Variants in KYAT1 observed in about 807,000 individuals in gnomAD.
KYAT1 encodes the protein kynurenine aminotransferase 1.
In KYAT1, 47 loss-of-function variants were observed where a neutral mutation model predicts 52.4. The ratio of observed to expected loss-of-function variants is 0.90; its 90% CI spans 0.71 to 1.14. The LOEUF is 1.14. Among genes scored for constraint, KYAT1 ranks in the 50% most tolerant of loss-of-function variants. The probability of loss-of-function intolerance (pLI) is 0.00; values close to 1 mark genes in which losing one functional copy is unlikely to be tolerated. For synonymous variants in KYAT1, 212 were observed against 209.6 expected, an observed-to-expected ratio of 1.01 and a Z score of -0.10; for missense variants, 480 against 557.9, an observed-to-expected ratio of 0.86 and a Z score of 1.41.
At chr9:128,875,180 CAG>C (rs927340099) in intron 1 of KYAT1, among the ~76,000 whole-genome samples, 1 of 151,558 alleles carries the variant, frequency 6.6e-6, no homozygotes, top group African/African-American at 2.4e-5. Context: ...TGAACAGCTG[CAG>C]AGTTGCCATC....
chr9:128,837,763 G>A lies in KYAT1; in HGVS notation c.489C>T (p.Asp163=). The A allele has an allele frequency of 6.2e-7, 1 of 1,613,916 alleles. No individual in the cohort carries two copies. Among genetic ancestry groups the A allele is most frequent in the African/African-American group, 1.3e-5 (1 of 75,002 alleles). ...TGAATTTGCCGGCCAGCTCCATGGG[G>A]TCCAGCTGCCAGTTGCTGCTGGAAC... is the stretch of plus-strand genomic sequence containing the variant. The part of the protein sequence containing the change: ...ELGSSSNWQL[D]PMELAGKFTS... The change falls in exon 6 of 13, where the codon GAC becomes GAT. Residue 163 remains aspartate, a synonymous_variant. Coordinates refer to ENST00000302586, the MANE Select transcript of KYAT1 (RefSeq NM_004059.5).
At position 128,833,655 on chromosome 9, in the gene KYAT1, C is replaced by G. The variant is rs1830490072; in HGVS notation, c.1210-12G>C. Reference sequence around the variant, plus strand: ...AGCGTGGCTTCATCCTGCGCCAGCACAGATTAGTCCTACACTCTCCCCATG... The same window carrying G: ...AGCGTGGCTTCATCCTGCGCCAGCAGAGATTAGTCCTACACTCTCCCCATG... On this transcript the variant is annotated splice_polypyrimidine_tract_variant and intron_variant, in intron 12 of 12. Transcript: ENST00000302586. The G allele has an allele frequency of 6.2e-7, 1 of 1,614,130 alleles. No individual in the cohort carries two copies. The highest frequency in any genetic ancestry group is 1.3e-5 in the African/African-American group (1 of 74,952).
intron 3 of KYAT1, among the ~76,000 whole-genome samples, chr9:128,840,123 C>T (rs906393571): frequency 3.3e-5 from 5 of 151,936 alleles, no homozygotes; most frequent in Non-Finnish European, 7.4e-5. Flanking sequence ...AAAAATATTG[C>T]AACATACAAG....
intron 1 of KYAT1, among the ~76,000 whole-genome samples, chr9:128,876,117 T>A (rs1004233939): frequency 1.3e-5 from 2 of 152,068 alleles, no homozygotes; most frequent in Non-Finnish European, 2.9e-5. Context: ...ACTCTTTTTT[T>A]ATTTTAGAGA....
intron 2 of KYAT1, 125 bp downstream of exon 2, chr9:128,845,228 T>C (rs1407723894): frequency 1.7e-5 from 12 of 716,122 alleles, no homozygotes; most frequent in Non-Finnish European, 2.9e-5. Flanking sequence ...TCCTGAGCTA[T>C]GGCTGGAATC....
rs765246267 is a variant in KYAT1, at chr9:128,836,035, C to T, written c.727G>A (p.Gly243Ser). 89 of 1,613,774 alleles carry T rather than the reference C, an allele frequency of 5.5e-5. No homozygotes were observed. The highest frequency in any genetic ancestry group is 2.5e-4 in the Admixed American group (15 of 59,988). ...PGMWERTLTI[G>S]SAGKTFSATG... Reference sequence around the variant, plus strand: ...GCGCTGAAGGTCTTGCCGGCGCTGCCGATGGTCAGGGTCCGTTCCCACATG... The same window carrying T: ...GCGCTGAAGGTCTTGCCGGCGCTGCTGATGGTCAGGGTCCGTTCCCACATG... Residue 243 changes from glycine to serine, a missense_variant, in exon 8 of 13, where the codon GGC (glycine) becomes AGC (serine). Gly to Ser is a moderately conservative substitution (Grantham distance 56). Coordinates refer to ENST00000302586, the MANE Select transcript of KYAT1 (RefSeq NM_004059.5).
chr9:128,850,428 G>C (rs1230592502), intron 1 of KYAT1, among the ~76,000 whole-genome samples: 1 of 152,124 alleles, frequency 6.6e-6, no homozygotes, highest in Non-Finnish European at 1.5e-5. Flanking sequence ...AGGGTTTAAG[G>C]GATCTAGGGC....
chr9:128,859,963 G>A (rs1835228811), intron 1 of KYAT1: 2 of 152,176 alleles, frequency 1.3e-5, no homozygotes, highest in African/African-American at 2.4e-5. Context: ...AATGGAGGCT[G>A]AGAAGTCCCC....
Position 128,836,759 on chromosome 9 carries a change from C to G in KYAT1, c.688+43G>C, listed in dbSNP as rs367794158. ...ACTCTCAGGTGGGGTCAAGGCCCTC[C>G]CACCAATGTGCAGGGGAGGGGCCCC... is the stretch of plus-strand genomic sequence containing the variant. On this transcript the variant is annotated intron_variant, in intron 7 of 12. Coordinates refer to ENST00000302586, the MANE Select transcript of KYAT1 (RefSeq NM_004059.5). 2.2e-5 allele frequency: 36 copies of G among 1,602,344 alleles called. No individual in the cohort carries two copies. The African/African-American group carries it at 4.7e-4, about 21-fold the overall frequency.
rs201112173 is a variant in KYAT1 at position 128,845,765 on chromosome 9, A to G, written c.-6-354T>C. 2.0e-5 allele frequency among the ~76,000 whole-genome samples: 3 copies of G among 152,218 alleles called. No individual in the cohort carries two copies. In the East Asian group the frequency reaches 5.8e-4, roughly 29 times the overall value. ...CTCAGGAAGGGCTGAGGGTTAAAGA[A>G]GAGGAGCAGGAGGTGGGTGGAGCGG... On this transcript the variant is annotated intron_variant, in intron 1 of 12. Coordinates refer to ENST00000302586, the MANE Select transcript of KYAT1 (RefSeq NM_004059.5).
intron 1 of KYAT1, among the ~76,000 whole-genome samples, chr9:128,876,707 C>T (rs1466370249): frequency 8.0e-5 from 12 of 150,112 alleles, no homozygotes; most frequent in Non-Finnish European, 1.0e-4. Flanking sequence ...GCATGAGCCA[C>T]GGCACCCGGC....
At chr9:128,873,516 T>C (rs1184351951) in intron 1 of KYAT1, among the ~76,000 whole-genome samples, 1 of 152,086 alleles carries the variant, frequency 6.6e-6, no homozygotes, top group Non-Finnish European at 1.5e-5. Context: ...ACTCCTGTAA[T>C]CCCAGCACTT....
chr9:128,840,840 ACT>A (rs1188490500), intron 3 of KYAT1, among the ~76,000 whole-genome samples: 1 of 152,158 alleles, frequency 6.6e-6, no homozygotes, highest in Non-Finnish European at 1.5e-5. Flanking sequence ...ATAGGCACAC[ACT>A]GTTTCTTAAC....
intron 1 of KYAT1, among the ~76,000 whole-genome samples, chr9:128,858,953 C>A (rs1306944153): frequency 6.3e-5 from 9 of 141,824 alleles, no homozygotes; most frequent in East Asian, 6.3e-4. Context: ...TGAGATTGTG[C>A]GTTGCACTCC....
intron 1 of KYAT1, among the ~76,000 whole-genome samples, chr9:128,864,727 G>T (rs1211995025): frequency 3.3e-5 from 5 of 151,970 alleles, no homozygotes; most frequent in African/African-American, 1.2e-4. Context: ...TTGTGCCTCA[G>T]CCTCCCGAGT....
At chr9:128,843,012 C>T (rs1832469394) in intron 2 of KYAT1, among the ~76,000 whole-genome samples, 1 of 152,088 alleles carries the variant, frequency 6.6e-6, no homozygotes, top group African/African-American at 2.4e-5. Flanking sequence ...ACTAAAAATA[C>T]AAAAGTTAGT....
intron 1 of KYAT1, among the ~76,000 whole-genome samples, chr9:128,848,766 G>A (rs535729431): frequency 6.1e-5 from 9 of 146,544 alleles, no homozygotes; most frequent in Admixed American, 2.8e-4. Context: ...GCAGTGAGCC[G>A]AGATCACGCC....
intron 1 of KYAT1, among the ~76,000 whole-genome samples, chr9:128,872,095 G>A (rs143552241): frequency 2.7e-5 from 4 of 146,240 alleles, no homozygotes; most frequent in African/African-American, 5.1e-5. Flanking sequence ...GCCACTGCAC[G>A]GCAGCCTGGG....
In KYAT1 at chr9:128,842,671, G is replaced by A. The variant is rs1832403692; in HGVS notation, c.184C>T (p.Gln62Ter). 2.5e-6 allele frequency: 4 copies of A among 1,613,974 alleles called. No homozygotes were observed. The highest frequency in any genetic ancestry group is 2.5e-6 in the Non-Finnish European group (3 of 1,179,974). ...AGACTCACAAATGTCTTGGTGTACTGGTTAAGCATGAAGTCTCCACTGACA... is the reference window on the plus strand; with the variant it reads ...AGACTCACAAATGTCTTGGTGTACTAGTTAAGCATGAAGTCTCCACTGACA... ...HAVSGDFMLN[Q>*]YTKTFGYPPL... The change falls in exon 3 of 13, where the codon CAG (glutamine) becomes TAG (stop). Residue 62 changes from glutamine to a stop codon, truncating the protein, a stop_gained. Transcript: ENST00000302586. LOFTEE classifies it high-confidence loss of function.
Sources: gnomAD v4.1 joint callset for allele counts (sites outside exome capture counted in the v4.1 genomes callset) on GRCh38, gnomAD v4.1.1 for gene constraint, MANE v1.5 for transcripts, NCBI Gene and HGNC (gene_info 2026-07-23, HGNC 2026-07-21) for gene names.